ADAMTS20: variants seen among roughly 807,000 people sequenced by gnomAD.
The protein encoded by ADAMTS20 is A disintegrin and metalloproteinase with thrombospondin motifs 20.
In ADAMTS20, 225 loss-of-function variants were observed where a neutral mutation model predicts 260.1. The observed-to-expected ratio is 0.87, with a 90% CI of 0.78 to 0.97. The LOEUF is 0.97. ADAMTS20 is among the 50% of genes least tolerant of loss of function. The pLI is 0.00. For synonymous variants in ADAMTS20, 802 were observed against 769.5 expected (o/e 1.04, Z -0.70); for missense variants, 2,400 against 2,337.7 (o/e 1.03, Z -0.55).
intron 7 of ADAMTS20, among the ~76,000 whole-genome samples, chr12:43,470,469 C>A (rs529597617): frequency 6.6e-6 from 1 of 152,256 alleles, no homozygotes; most frequent in Admixed American, 6.5e-5. Flanking sequence ...AAGCAGGCAA[C>A]ACCTACAAAA....
chr12:43,443,388 C>T (rs1941702378), intron 16 of ADAMTS20, among the ~76,000 whole-genome samples: 1 of 151,904 alleles, frequency 6.6e-6, no homozygotes, highest in Non-Finnish European at 1.5e-5. Context: ...TTTTACAAAA[C>T]TGTATTTAAA....
intron 3 of ADAMTS20, among the ~76,000 whole-genome samples, chr12:43,511,294 TC>T (rs947564894): frequency 1.3e-5 from 2 of 152,060 alleles, no homozygotes; most frequent in African/African-American, 4.8e-5. Context: ...TTAGAAACAT[TC>T]CTTTTATCTC....
chr12:43,542,967 T>C (rs1209698178), intron 2 of ADAMTS20, among the ~76,000 whole-genome samples: 1 of 152,046 alleles, frequency 6.6e-6, no homozygotes, highest in Non-Finnish European at 1.5e-5. Flanking sequence ...TTCCAGAAGG[T>C]AGAACCAAGG....
In ADAMTS20 at chr12:43,421,213, A is replaced by AT. The variant is rs772710433; in HGVS notation, c.4284+4300dup. On this transcript the variant is annotated intron_variant, in intron 28 of 38. Transcript: ENST00000389420. ...TTTCTGCACAATGTTTCAGAAGGACATTTTTTTTAAGAAGAAACACAAAGT... is the reference window on the plus strand; with the variant it reads ...TTTCTGCACAATGTTTCAGAAGGACATTTTTTTTTAAGAAGAAACACAAAGT... Among the ~76,000 whole-genome samples the AT allele has an allele frequency of 3.7e-5, 5 of 134,348 alleles. No homozygotes were observed. The East Asian group carries it at 6.5e-4, about 17-fold the overall frequency. The allele number at this position is 134,348 out of a possible 152,430, so 88.1% of individuals were successfully genotyped here.
chr12:43,419,225 T>C (rs1941185473), intron 28 of ADAMTS20, among the ~76,000 whole-genome samples: 1 of 152,130 alleles, frequency 6.6e-6, no homozygotes. Flanking sequence ...TGTATGACTA[T>C]ATAATACATA....
At chr12:43,509,002 A>T (rs1942885595) in intron 3 of ADAMTS20, among the ~76,000 whole-genome samples, 1 of 152,030 alleles carries the variant, frequency 6.6e-6, no homozygotes, top group Admixed American at 6.6e-5. Context: ...TGAGAACATA[A>T]GTTGTTTGGT....
At chr12:43,535,456 A>T (rs939862260) in intron 2 of ADAMTS20, among the ~76,000 whole-genome samples, 22 of 152,132 alleles carry the variant, frequency 1.4e-4, no homozygotes, top group African/African-American at 3.9e-4. Context: ...CATCCTTATT[A>T]TCATTAACCT....
intron 5 of ADAMTS20, 121 bp from the exon 6 acceptor site, chr12:43,492,750 A>G: frequency 9.1e-7 from 1 of 1,094,836 alleles, no homozygotes; most frequent in Non-Finnish European, 1.3e-6. Flanking sequence ...AAGGAGTGAC[A>G]GCATCTCTTC....
intron 29 of ADAMTS20, among the ~76,000 whole-genome samples, chr12:43,384,265 A>C (rs1038773125): frequency 6.6e-6 from 1 of 152,202 alleles, no homozygotes; most frequent in Admixed American, 6.5e-5. Flanking sequence ...AAATGAGTAT[A>C]ATGTCTATAA....
rs1167346909 is a variant in ADAMTS20, at chr12:43,430,382, G to A, written c.3351C>T (p.Cys1117=). 2 of 1,611,136 alleles carry A rather than the reference G, an allele frequency of 1.2e-6. No homozygotes were observed. The highest frequency in any genetic ancestry group is 2.7e-5 in the African/African-American group (2 of 74,726). ...TGTCACTGGGGCGACTAGCTTCATGGCATTCTGTGTCCTCTAACACTGCAC... is the reference window on the plus strand; with the variant it reads ...TGTCACTGGGGCGACTAGCTTCATGACATTCTGTGTCCTCTAACACTGCAC... ...LASAVLEDTE[C]HEASRPSDRQ... is the part of the protein sequence containing the mutation. The change falls in exon 23 of 39, where the codon TGC becomes TGT. Residue 1117 remains cysteine (C), a synonymous_variant. Transcript: ENST00000389420.
At position 43,463,010 on chromosome 12, in the gene ADAMTS20, A is replaced by T; in HGVS notation, c.1510-11T>A. The T allele has an allele frequency of 6.3e-7, 1 of 1,585,056 alleles. No individual in the cohort carries two copies. Among genetic ancestry groups the T allele is most frequent in the Admixed American group, 1.8e-5 (1 of 55,882 alleles). ...ATGCATGCATATATTCTCCTGAGTA[A>T]CAAAAGGCAGGCAAGCCAGTGTAAA... On this transcript the variant is annotated splice_polypyrimidine_tract_variant and intron_variant, in intron 10 of 38. Transcript: ENST00000389420.
rs1384323360 is a variant in ADAMTS20 at position 43,452,712 on chromosome 12, C to T, written c.1761-17G>A. The T allele has an allele frequency of 6.3e-7, 1 of 1,583,532 alleles. No individual in the cohort carries two copies. On this transcript the variant is annotated splice_polypyrimidine_tract_variant and intron_variant, in intron 12 of 38. Coordinates refer to ENST00000389420, the MANE Select transcript of ADAMTS20 (RefSeq NM_025003.5). ...TTTCTTGGCCTAGTCAAATTCATTA[C>T]ATTTTAAAGCACATCAGTACAACAT...
intron 18 of ADAMTS20, among the ~76,000 whole-genome samples, chr12:43,438,656 C>T (rs1309359683): frequency 2.0e-5 from 3 of 152,210 alleles, no homozygotes; most frequent in African/African-American, 7.2e-5. Flanking sequence ...TTCACATTCT[C>T]ACCACCTTTG....
Position 43,393,367 on chromosome 12 carries a change from A to G in ADAMTS20, c.4452+5699T>C, listed in dbSNP as rs145392838. 6.3e-3 allele frequency among the ~76,000 whole-genome samples: 960 copies of G among 152,166 alleles called. 8 individuals are homozygous for G. The highest frequency in any genetic ancestry group is 0.022 in the African/African-American group (931 of 41,564). On this transcript the variant is annotated intron_variant, in intron 29 of 38. Coordinates refer to ENST00000389420, the MANE Select transcript of ADAMTS20 (RefSeq NM_025003.5). ...ACTGGGATGCACTACTTCTTCATCT[A>G]TATTACATAACTCAATCCAGACAGT... is the stretch of plus-strand genomic sequence containing the variant.
chr12:43,531,412 C>T (rs1260762636), intron 3 of ADAMTS20, among the ~76,000 whole-genome samples: 2 of 151,906 alleles, frequency 1.3e-5, no homozygotes, highest in Non-Finnish European at 2.9e-5. Context: ...CTACCAATCT[C>T]ATATACTGAA....
chr12:43,485,585 G>GAA (rs1035124014), intron 7 of ADAMTS20, among the ~76,000 whole-genome samples: 154 of 152,182 alleles, frequency 1.0e-3, no homozygotes, highest in African/African-American at 3.5e-3. Flanking sequence ...TCAGGCAAGA[G>GAA]AAAGAAATAA....
chr12:43,408,383 T>C (rs1461150068), intron 28 of ADAMTS20, among the ~76,000 whole-genome samples: 1 of 152,184 alleles, frequency 6.6e-6, no homozygotes, highest in East Asian at 1.9e-4. Flanking sequence ...TATTGTCTTT[T>C]AAGGCATTAC....
intron 22 of ADAMTS20, 129 bp downstream of exon 22, chr12:43,431,203 T>C (rs1340502877): frequency 6.4e-6 from 5 of 786,746 alleles, no homozygotes; most frequent in Non-Finnish European, 9.9e-6. Flanking sequence ...CATTTCAGGG[T>C]TGCTGTTGTT....
At chr12:43,547,536 G>T (rs1346417847) in intron 2 of ADAMTS20, among the ~76,000 whole-genome samples, 1 of 152,040 alleles carries the variant, frequency 6.6e-6, no homozygotes, top group Non-Finnish European at 1.5e-5. Context: ...CTCTGAAAGG[G>T]TTCCCTACAC....
Sources: gnomAD v4.1 joint callset for allele counts (sites outside exome capture counted in the v4.1 genomes callset) on GRCh38, gnomAD v4.1.1 for gene constraint, MANE v1.5 for transcripts, NCBI Gene and HGNC (gene_info 2026-07-23, HGNC 2026-07-21) for gene names.